The following FMN1 variants were observed in gnomAD, a reference collection of about 807,000 sequenced individuals.
FMN1 encodes the protein formin-1.
Under a neutral mutation model 132.4 loss-of-function variants are expected in FMN1, and 110 were observed. The ratio of observed to expected loss-of-function variants is 0.83; its 90% CI spans 0.71 to 0.97. The LOEUF is 0.97. Among genes scored for constraint, FMN1 ranks in the 50% least tolerant of loss-of-function variants. The pLI, the probability that FMN1 is intolerant of heterozygous loss-of-function variation, is 0.00. For missense variants in FMN1, 1,792 were observed against 1,705.3 expected, an observed-to-expected ratio of 1.05 and a Z score of -0.90; for synonymous variants, 722 against 651.7, an observed-to-expected ratio of 1.11 and a Z score of -1.64.
chr15:32,861,195 C>G (rs1163943413), intron 16 of FMN1, among the ~76,000 whole-genome samples: 1 of 152,180 alleles, frequency 6.6e-6, no homozygotes, highest in African/African-American at 2.4e-5. Flanking sequence ...CTGCAATTTA[C>G]TAATAGGATA....
intron 5 of FMN1, among the ~76,000 whole-genome samples, chr15:33,070,950 G>A (rs2037974618): frequency 6.6e-6 from 1 of 152,188 alleles, no homozygotes; most frequent in Non-Finnish European, 1.5e-5. Context: ...GATGGTGGAA[G>A]TATAATGTGA....
rs1411251717 is a variant in FMN1 at position 33,120,175 on chromosome 15, ATTG to A, written c.1868-31204_1868-31202del. On this transcript the variant is annotated intron_variant, in intron 4 of 20. Coordinates refer to ENST00000616417, the MANE Select transcript of FMN1 (RefSeq NM_001277313.2). ...TGGAGAGCAGCATAGTGAAATGAAA[ATTG>A]TTTTTCACTTCTCAGAAATAATCTG... Among the ~76,000 whole-genome samples, 23 of 152,210 alleles carry A rather than the reference ATTG, an allele frequency of 1.5e-4. 1 individual carries two copies. Among genetic ancestry groups the A allele is most frequent in the Admixed American group, 9.2e-4 (14 of 15,278 alleles).
At chr15:33,138,319 T>C (rs35187364) in intron 4 of FMN1, among the ~76,000 whole-genome samples, 11,101 of 152,202 alleles carry the variant, frequency 0.073, 454 homozygotes, top group African/African-American at 0.085. Context: ...GACTCTTGGC[T>C]CCTGGGCTCT....
At position 32,772,786 on chromosome 15, in the gene FMN1, A is replaced by G. The variant is rs115337564; in HGVS notation, c.*1524T>C. 1 of 152,350 alleles carries G rather than the reference A, an allele frequency of 6.6e-6. No homozygotes were observed. Among genetic ancestry groups the G allele is most frequent in the South Asian group, 2.1e-4 (1 of 4,832 alleles). The allele number at this position is 152,350 out of a possible 1,614,324, so 9.4% of individuals were successfully genotyped here. A position where few individuals can be genotyped will look rare whatever the true frequency, so the allele number is the denominator to read the frequency against. ...TAGATTAGGATATGGTGCTGCTTTC[A>G]TTACTGGATCTATTATAGAAGCATT... On this transcript the variant is annotated 3_prime_UTR_variant, in exon 21 of 21. Transcript: ENST00000616417.
At chr15:32,873,246 T>C (rs1235839857) in intron 16 of FMN1, among the ~76,000 whole-genome samples, 1 of 152,240 alleles carries the variant, frequency 6.6e-6, no homozygotes, top group Non-Finnish European at 1.5e-5. Context: ...CAAGGTTTCA[T>C]ATAAAGAAGG....
At chr15:33,003,774 C>T (rs1453052329) in intron 7 of FMN1, among the ~76,000 whole-genome samples, 2 of 152,194 alleles carry the variant, frequency 1.3e-5, no homozygotes, top group Non-Finnish European at 2.9e-5. Context: ...GGAGGCATCA[C>T]ACTACCTGAC....
chr15:33,012,335 A>C (rs1182207016), intron 6 of FMN1: 1 of 833,974 alleles, frequency 1.2e-6, no homozygotes, highest in Non-Finnish European at 2.1e-6. Context: ...TGCAGCCATG[A>C]ATGCAAGGCC....
intron 9 of FMN1, among the ~76,000 whole-genome samples, chr15:32,934,980 G>A (rs2061226585): frequency 6.7e-6 from 1 of 150,038 alleles, no homozygotes; most frequent in Non-Finnish European, 1.5e-5. Flanking sequence ...AGAGTGCAAT[G>A]GCATGATCTC....
chr15:32,785,256 C>T (rs181161742), intron 19 of FMN1, among the ~76,000 whole-genome samples: 2,257 of 116,680 alleles, frequency 0.019, 89 homozygotes, highest in African/African-American at 0.072. Flanking sequence ...GAGGTTTCAC[C>T]ATGTTGCCCA....
At chr15:33,191,860 G>A (rs527971953) in intron 2 of FMN1, among the ~76,000 whole-genome samples, 7 of 152,302 alleles carry the variant, frequency 4.6e-5, no homozygotes, top group East Asian at 1.9e-4. Context: ...ATGGTTTAGC[G>A]TCTCTGCAAG....
At chr15:33,127,803 T>A (rs992207453) in intron 4 of FMN1, among the ~76,000 whole-genome samples, 1 of 152,192 alleles carries the variant, frequency 6.6e-6, no homozygotes, top group South Asian at 2.1e-4. Context: ...TTGCCACACA[T>A]CCAAGATCTC....
At chr15:33,119,744 A>T (rs1437810616) in intron 4 of FMN1, among the ~76,000 whole-genome samples, 1 of 152,148 alleles carries the variant, frequency 6.6e-6, no homozygotes, top group Non-Finnish European at 1.5e-5. Context: ...ATATTCTAAA[A>T]ACTGTTTGTA....
chr15:32,896,775 T>C (rs1596213044), intron 15 of FMN1, among the ~76,000 whole-genome samples: 1 of 152,210 alleles, frequency 6.6e-6, no homozygotes, highest in African/African-American at 2.4e-5. Context: ...TAATATTCCC[T>C]AGTACATATA....
At position 33,151,041 on chromosome 15, in the gene FMN1, G is replaced by C. The variant is rs1964418431; in HGVS notation, c.1867+2007C>G. The C allele has an allele frequency of 2.5e-6, 3 of 1,187,024 alleles. No individual in the cohort carries two copies. The African/African-American group carries it at 4.6e-5, about 18-fold the overall frequency. The allele number at this position is 1,187,024 out of a possible 1,614,324, so 73.5% of individuals were successfully genotyped here. On this transcript the variant is annotated intron_variant, in intron 4 of 20. Transcript: ENST00000616417. ...CCTGTATGGGCTTCCCAGCTGCAGGGAGTCACTGAAGGGTTCAGAATATAA... is the reference window on the plus strand; with the variant it reads ...CCTGTATGGGCTTCCCAGCTGCAGGCAGTCACTGAAGGGTTCAGAATATAA...
At chr15:33,048,487 AAAAGT>A (rs1355431663) in intron 6 of FMN1, among the ~76,000 whole-genome samples, 1 of 151,784 alleles carries the variant, frequency 6.6e-6, no homozygotes, top group Non-Finnish European at 1.5e-5. Flanking sequence ...TTTATGCACT[AAAAGT>A]AAAAGTTTCT....
intron 16 of FMN1, among the ~76,000 whole-genome samples, chr15:32,872,774 G>GC (rs1402406341): frequency 6.6e-6 from 1 of 152,212 alleles, no homozygotes; most frequent in Non-Finnish European, 1.5e-5. Flanking sequence ...CAGGACAGCT[G>GC]CAAGTCTTCC....
chr15:32,899,713 G>A, intron 14 of FMN1: 2 of 502,236 alleles, frequency 4.0e-6, no homozygotes, highest in East Asian at 7.2e-5. Context: ...CTGAGTAGCA[G>A]TTCAATACCT....
At chr15:32,819,121 A>G (rs2058137289) in intron 17 of FMN1, among the ~76,000 whole-genome samples, 1 of 152,124 alleles carries the variant, frequency 6.6e-6, no homozygotes, top group Admixed American at 6.6e-5. Flanking sequence ...GAAGAACCCC[A>G]CATGTTCAAC....
intron 6 of FMN1, among the ~76,000 whole-genome samples, chr15:33,020,635 TC>T (rs1320242020): frequency 1.4e-5 from 1 of 71,782 alleles, no homozygotes; most frequent in East Asian, 2.4e-4. Context: ...CGAAACTCCG[TC>T]TCAAAAAAAA....
Sources: gnomAD v4.1 joint callset for allele counts (sites outside exome capture counted in the v4.1 genomes callset) on GRCh38, gnomAD v4.1.1 for gene constraint, MANE v1.5 for transcripts, NCBI Gene and HGNC (gene_info 2026-07-23, HGNC 2026-07-21) for gene names.